Variants in CDH12 observed in about 807,000 individuals in gnomAD.
The protein encoded by CDH12 is cadherin-12.
CDH12 carries 41 observed loss-of-function variants against 74.1 expected under a neutral mutation model. That is an observed-to-expected ratio of 0.55 (90% CI 0.43 to 0.72). CDH12 has a LOEUF of 0.72. Ranked by LOEUF, CDH12 falls within the 30% of genes least tolerant of loss-of-function variation. The pLI is 0.00. For missense variants in CDH12, 945 were observed against 977.2 expected (o/e 0.97, Z 0.44); for synonymous variants, 399 against 355.0 (o/e 1.12, Z -1.39).
intron 1 of CDH12, among the ~76,000 whole-genome samples, chr5:22,651,925 AC>A (rs996584309): frequency 1.3e-5 from 2 of 151,856 alleles, no homozygotes; most frequent in African/African-American, 4.8e-5. Context: ...TCACAGGAAA[AC>A]CCCCCTCGGA....
At chr5:22,316,736 A>G (rs553189773) in intron 3 of CDH12, among the ~76,000 whole-genome samples, 2 of 152,280 alleles carry the variant, frequency 1.3e-5, no homozygotes, top group Admixed American at 1.3e-4. Flanking sequence ...ATAAAGAAGG[A>G]TACAGTTCAT....
intron 3 of CDH12, among the ~76,000 whole-genome samples, chr5:22,247,781 G>C (rs533958632): frequency 2.0e-5 from 3 of 152,120 alleles, no homozygotes; most frequent in Non-Finnish European, 2.9e-5. Context: ...TTAGTGTCTA[G>C]TGCACTATTT....
intron 2 of CDH12, among the ~76,000 whole-genome samples, chr5:22,492,114 G>A (rs1746896140): frequency 6.6e-6 from 1 of 152,066 alleles, no homozygotes; most frequent in Non-Finnish European, 1.5e-5. Context: ...CATTCTTGAT[G>A]ATCAGAAGCC....
intron 3 of CDH12, among the ~76,000 whole-genome samples, chr5:22,286,539 A>G (rs1737142970): frequency 6.6e-6 from 1 of 152,156 alleles, no homozygotes; most frequent in Non-Finnish European, 1.5e-5. Flanking sequence ...AGTAATATCC[A>G]TTTTTTTGTG....
At chr5:21,877,534 C>G (rs1000973539) in intron 6 of CDH12, among the ~76,000 whole-genome samples, 1 of 152,108 alleles carries the variant, frequency 6.6e-6, no homozygotes, top group Non-Finnish European at 1.5e-5. Context: ...TAAGAAAATA[C>G]TTTTGATCAG....
intron 5 of CDH12, among the ~76,000 whole-genome samples, chr5:22,004,621 T>C (rs1736828572): frequency 6.6e-6 from 1 of 152,208 alleles, no homozygotes; most frequent in Admixed American, 6.5e-5. Flanking sequence ...TGCTGAAATA[T>C]CAACCAAATT....
chr5:22,329,157 T>C (rs1739245361), intron 3 of CDH12, among the ~76,000 whole-genome samples: 2 of 152,194 alleles, frequency 1.3e-5, no homozygotes, highest in Non-Finnish European at 2.9e-5. Flanking sequence ...GGTCAAATGA[T>C]ATCATAAAAA....
intron 1 of CDH12, among the ~76,000 whole-genome samples, chr5:22,537,906 T>C (rs1737928378): frequency 2.6e-5 from 4 of 152,366 alleles, no homozygotes; most frequent in South Asian, 4.1e-4. Context: ...TTAAGTAGTC[T>C]GCAGTTGCTT....
intron 1 of CDH12, among the ~76,000 whole-genome samples, chr5:22,827,285 T>A (rs1394786587): frequency 1.3e-5 from 2 of 152,244 alleles, no homozygotes; most frequent in African/African-American, 4.8e-5. Context: ...TCCGCCTAGA[T>A]TTCAGATGTG....
chr5:22,074,407 G>C (rs1008209739), intron 5 of CDH12, among the ~76,000 whole-genome samples: 1 of 152,026 alleles, frequency 6.6e-6, no homozygotes, highest in Non-Finnish European at 1.5e-5. Flanking sequence ...GCATGGGCAA[G>C]GACTTCATGA....
chr5:21,944,382 G>A (rs958113140), intron 6 of CDH12, among the ~76,000 whole-genome samples: 46 of 152,070 alleles, frequency 3.0e-4, no homozygotes, highest in East Asian at 9.7e-4. Context: ...ATTGCATTAG[G>A]ATTACATACT....
chr5:22,384,931 GTGTTGTCAT>G, intron 3 of CDH12, among the ~76,000 whole-genome samples: 1 of 152,262 alleles, frequency 6.6e-6, no homozygotes, highest in South Asian at 2.1e-4. Context: ...TAGGGTCCAT[GTGTTGTCAT>G]TGTTTCTACA....
chr5:22,450,122 T>C (rs1326009844), intron 2 of CDH12, among the ~76,000 whole-genome samples: 1 of 152,040 alleles, frequency 6.6e-6, no homozygotes, highest in East Asian at 1.9e-4. Context: ...CTGAAATCTC[T>C]TCTCTTGAAA....
rs1389531864 is a variant in CDH12 at position 22,315,080 on chromosome 5, T to C, written c.-333+90177A>G. On this transcript the variant is annotated intron_variant, in intron 3 of 14. Transcript: ENST00000382254. ...GCCATTCTCCTGCCTCCTGCCTCAG[T>C]AGCCAGGACTACAGGCGCCTGCCAC... Among the ~76,000 whole-genome samples the C allele has an allele frequency of 5.8e-5, 7 of 120,114 alleles. 1 individual carries two copies. The highest frequency in any genetic ancestry group is 2.3e-4 in the African/African-American group (7 of 30,798). The allele number at this position is 120,114 out of a possible 152,430, so 78.8% of individuals were successfully genotyped here.
chr5:22,755,399 G>C (rs545768302), intron 1 of CDH12, among the ~76,000 whole-genome samples: 1 of 152,228 alleles, frequency 6.6e-6, no homozygotes, highest in South Asian at 2.1e-4. Flanking sequence ...GCTTTATGAG[G>C]CTAATACATG....
chr5:21,889,138 T>A (rs182871640), intron 6 of CDH12, among the ~76,000 whole-genome samples: 3 of 152,302 alleles, frequency 2.0e-5, no homozygotes, highest in Non-Finnish European at 4.4e-5. Context: ...TGATAAGTAA[T>A]GTTTTTATAT....
intron 4 of CDH12, among the ~76,000 whole-genome samples, chr5:22,110,189 C>G (rs1354403341): frequency 6.6e-6 from 1 of 152,134 alleles, no homozygotes; most frequent in Admixed American, 6.5e-5. Context: ...AGAATAAACA[C>G]CAGCATAAAC....
intron 2 of CDH12, among the ~76,000 whole-genome samples, chr5:22,474,279 T>G (rs902840557): frequency 6.6e-6 from 1 of 152,134 alleles, no homozygotes; most frequent in South Asian, 2.1e-4. Context: ...AGCCAAGAAC[T>G]GTATTTTCAA....
chr5:21,816,624 C>CAAAAAAAAAAA (rs542222336), intron 9 of CDH12, among the ~76,000 whole-genome samples: 2,108 of 17,986 alleles, frequency 0.12, 668 homozygotes, highest in Non-Finnish European at 0.18. Context: ...AACTCCATCT[C>CAAAAAAAAAAA]AAAAAAAAAA....
Sources: gnomAD v4.1 joint callset for allele counts (sites outside exome capture counted in the v4.1 genomes callset) on GRCh38, gnomAD v4.1.1 for gene constraint, MANE v1.5 for transcripts, NCBI Gene and HGNC (gene_info 2026-07-23, HGNC 2026-07-21) for gene names.